The following ZNF804A variants were observed in gnomAD, a reference collection of about 807,000 sequenced individuals.
ZNF804A encodes the protein zinc finger protein 804A.
In ZNF804A, 2 loss-of-function variants were observed where a neutral mutation model predicts 16.5. That is an observed-to-expected ratio of 0.12 (90% CI 0.05 to 0.38). The LOEUF is 0.38. Ranked by LOEUF, ZNF804A falls within the 10% of genes least tolerant of loss-of-function variation. ZNF804A has a pLI of 0.99. For missense variants in ZNF804A, 1,473 were observed against 1,390.7 expected (o/e 1.06, Z -0.94); for synonymous variants, 534 against 489.6 (o/e 1.09, Z -1.20).
intron 1 of ZNF804A, among the ~76,000 whole-genome samples, chr2:184,751,660 T>A (rs971530307): frequency 1.3e-5 from 2 of 151,574 alleles, no homozygotes; most frequent in African/African-American, 4.8e-5. Context: ...AAAACGCCTC[T>A]GCATAGTAAA....
chr2:184,755,050 G>A (rs913638536), intron 1 of ZNF804A, among the ~76,000 whole-genome samples: 9 of 151,880 alleles, frequency 5.9e-5, no homozygotes, highest in African/African-American at 1.7e-4. Flanking sequence ...AATTTCGGAT[G>A]AGATTTGCGT....
chr2:184,708,567 C>T (rs1438347974), intron 1 of ZNF804A, among the ~76,000 whole-genome samples: 5 of 152,040 alleles, frequency 3.3e-5, no homozygotes, highest in Non-Finnish European at 5.9e-5. Flanking sequence ...ATTCAACAAA[C>T]GGTGCTGGGA....
chr2:184,863,991 T>C (rs1478109165), intron 1 of ZNF804A, among the ~76,000 whole-genome samples: 1 of 152,152 alleles, frequency 6.6e-6, no homozygotes, highest in African/African-American at 2.4e-5. Context: ...CTTATTGAAA[T>C]TGATGGAATT....
chr2:184,785,712 A>G (rs1169135622), intron 1 of ZNF804A, among the ~76,000 whole-genome samples: 1 of 152,052 alleles, frequency 6.6e-6, no homozygotes, highest in East Asian at 1.9e-4. Context: ...GTGTGTATGC[A>G]TATACAAGAA....
chr2:184,746,721 G>T (rs1298401921), intron 1 of ZNF804A, among the ~76,000 whole-genome samples: 2 of 150,078 alleles, frequency 1.3e-5, no homozygotes, highest in African/African-American at 4.9e-5. Flanking sequence ...CCAGACTCTG[G>T]TAACTATCAT....
At chr2:184,767,348 CA>C (rs1376541033) in intron 1 of ZNF804A, among the ~76,000 whole-genome samples, 1 of 151,828 alleles carries the variant, frequency 6.6e-6, no homozygotes, top group African/African-American at 2.4e-5. Context: ...AAGCCGGAAA[CA>C]AAAAACAAAT....
chr2:184,643,855 G>T (rs930262422), intron 1 of ZNF804A, among the ~76,000 whole-genome samples: 1 of 151,320 alleles, frequency 6.6e-6, no homozygotes, highest in Admixed American at 6.6e-5. Flanking sequence ...TTGGAAAACC[G>T]AACAGAACCT....
chr2:184,936,458 G>C lies in ZNF804A; in HGVS notation c.1062G>C (p.Glu354Asp). Residue 354 changes from glutamate (E) to aspartate (D), a missense_variant, in exon 4 of 4, where the codon GAG becomes GAC. Physicochemically the swap from Glu to Asp is conservative, Grantham distance 45. Transcript: ENST00000302277. ...TACCTGTTAGTGGTAACAGTTTTGAGTTGTTAGGAAATAAATCCACAGTTC... is the reference window on the plus strand; with the variant it reads ...TACCTGTTAGTGGTAACAGTTTTGACTTGTTAGGAAATAAATCCACAGTTC... ...EDIPVSGNSF[E>D]LLGNKSTVLD... is the part of the protein sequence containing the mutation. The C allele has an allele frequency of 6.2e-7, 1 of 1,613,884 alleles. No homozygotes were observed. Among genetic ancestry groups the C allele is most frequent in the African/African-American group, 1.3e-5 (1 of 75,012 alleles).
At chr2:184,717,574 G>T (rs756424375) in intron 1 of ZNF804A, among the ~76,000 whole-genome samples, 1 of 152,180 alleles carries the variant, frequency 6.6e-6, no homozygotes, top group South Asian at 2.1e-4. Context: ...CTCTTTTGCC[G>T]CCATCCATTA....
intron 1 of ZNF804A, among the ~76,000 whole-genome samples, chr2:184,821,605 C>T (rs1410771893): frequency 1.3e-5 from 2 of 152,100 alleles, no homozygotes; most frequent in Non-Finnish European, 2.9e-5. Flanking sequence ...GCAAAGGAAA[C>T]TGTCATCAGA....
At chr2:184,789,960 T>A (rs1257718530) in intron 1 of ZNF804A, among the ~76,000 whole-genome samples, 1 of 152,080 alleles carries the variant, frequency 6.6e-6, no homozygotes, top group South Asian at 2.1e-4. Context: ...ACATAGACAT[T>A]TAATGCTATA....
rs547401240 is a variant in ZNF804A, at chr2:184,772,990, T to G, written c.112-93379T>G. Among the ~76,000 whole-genome samples, 772 of 146,032 alleles carry G rather than the reference T, an allele frequency of 5.3e-3. 4 individuals are homozygous for G. The highest frequency in any genetic ancestry group is 8.0e-3 in the Non-Finnish European group (529 of 66,502). ...ATATATGTATATATATATGTGTGTG[T>G]GGGGTGTGTGTGTGTATATATATAT... is the stretch of plus-strand genomic sequence containing the variant. On this transcript the variant is annotated intron_variant, in intron 1 of 3. Coordinates refer to ENST00000302277, the MANE Select transcript of ZNF804A (RefSeq NM_194250.2).
At chr2:184,811,008 CTCTT>C (rs1363516424) in intron 1 of ZNF804A, among the ~76,000 whole-genome samples, 8 of 152,092 alleles carry the variant, frequency 5.3e-5, no homozygotes, top group African/African-American at 1.9e-4. Flanking sequence ...TTTTTACAGA[CTCTT>C]TCAAAGTGAG....
At chr2:184,697,146 A>G (rs1692844904) in intron 1 of ZNF804A, among the ~76,000 whole-genome samples, 1 of 152,030 alleles carries the variant, frequency 6.6e-6, no homozygotes, top group Admixed American at 6.5e-5. Flanking sequence ...ATAAATCCCA[A>G]CAGTTTAAAG....
At position 184,679,816 on chromosome 2, in the gene ZNF804A, T is replaced by C. The variant is rs1373391610; in HGVS notation, c.111+80746T>C. 2.0e-5 allele frequency among the ~76,000 whole-genome samples: 3 copies of C among 152,146 alleles called. No individual in the cohort carries two copies. In the East Asian group the frequency reaches 5.8e-4, roughly 29 times the overall value. On this transcript the variant is annotated intron_variant, in intron 1 of 3. Transcript: ENST00000302277. Reference sequence around the variant, plus strand: ...GGGAGGCTCCCCTTGGCAAGAACAGTCTGGGCTCCATGGGCACTGTAGATG... The same window carrying C: ...GGGAGGCTCCCCTTGGCAAGAACAGCCTGGGCTCCATGGGCACTGTAGATG...
At position 184,938,634 on chromosome 2, in the gene ZNF804A, C is replaced by G. The variant is rs745998891; in HGVS notation, c.3238C>G (p.Pro1080Ala). ...AGCTGCCCTCCCACCCCCTAGCACA[C>G]CTCTGCAGCCTTTGCCTTTGCAGCA... ...PPAALPPPST[P>A]LQPLPLQQSL... Residue 1080 changes from proline (P) to alanine (A), a missense_variant, in exon 4 of 4, where the codon CCT becomes GCT. Physicochemically the swap from Pro to Ala is conservative, Grantham distance 27 (BLOSUM62 -1). Transcript: ENST00000302277. 1 of 1,614,036 alleles carries G rather than the reference C, an allele frequency of 6.2e-7. No homozygotes were observed. The highest frequency in any genetic ancestry group is 1.1e-5 in the South Asian group (1 of 91,080).
At position 184,853,344 on chromosome 2, in the gene ZNF804A, A is replaced by T. The variant is rs1574242027; in HGVS notation, c.112-13025A>T. Among the ~76,000 whole-genome samples, 3 of 152,040 alleles carry T rather than the reference A, an allele frequency of 2.0e-5. No homozygotes were observed. The East Asian group carries it at 5.8e-4, about 29-fold the overall frequency. On this transcript the variant is annotated intron_variant, in intron 1 of 3. Coordinates refer to ENST00000302277, the MANE Select transcript of ZNF804A (RefSeq NM_194250.2). ...GAACTTTGGTGGAATCTTTAGGGTT[A>T]TCTCTATATAAGATTATTTTATTTG...
At chr2:184,742,841 C>G (rs939603796) in intron 1 of ZNF804A, among the ~76,000 whole-genome samples, 3 of 151,678 alleles carry the variant, frequency 2.0e-5, no homozygotes, top group Non-Finnish European at 4.4e-5. Context: ...CTTCCAACTT[C>G]TAAGACGTAG....
chr2:184,909,721 T>C (rs1370753553), intron 2 of ZNF804A, among the ~76,000 whole-genome samples: 1 of 151,944 alleles, frequency 6.6e-6, no homozygotes, highest in East Asian at 1.9e-4. Context: ...ATATGTAGAA[T>C]TCTACCTTTT....
Sources: gnomAD v4.1 joint callset for allele counts (sites outside exome capture counted in the v4.1 genomes callset) on GRCh38, gnomAD v4.1.1 for gene constraint, MANE v1.5 for transcripts, NCBI Gene and HGNC (gene_info 2026-07-23, HGNC 2026-07-21) for gene names.